Variants in PUDP observed in about 807,000 individuals in gnomAD.
The protein encoded by PUDP is pseudouridine 5'-phosphatase.
PUDP carries 8 observed loss-of-function variants against 9.4 expected under a neutral mutation model. The observed-to-expected ratio is 0.85, with a 90% CI of 0.50 to 1.53. The LOEUF is 1.53. PUDP is among the 40% of genes most tolerant of loss of function. PUDP has a pLI of 0.00. For synonymous variants in PUDP, 99 were observed against 80.7 expected (o/e 1.23, Z -1.22); for missense variants, 188 against 189.7 (o/e 0.99, Z 0.05).
chrX:6,866,328 A>C (rs1259349978), intron 3 of PUDP, among the ~76,000 whole-genome samples: 1 of 110,777 alleles, frequency 9.0e-6, no homozygotes, highest in African/African-American at 3.3e-5. Context: ...ATTTTTAAAA[A>C]TTCATAAATA....
intron 1 of PUDP, among the ~76,000 whole-genome samples, chrX:7,112,186 T>G (rs1331983726): frequency 9.0e-6 from 1 of 111,547 alleles, no homozygotes; most frequent in African/African-American, 3.3e-5. Flanking sequence ...TGGGCTAGCA[T>G]GAGGTGGTTT....
chrX:6,826,722 TAA>T (rs944700390), intron 3 of PUDP, among the ~76,000 whole-genome samples: 8 of 112,352 alleles, frequency 7.1e-5, no homozygotes, highest in South Asian at 7.3e-4. Context: ...AGAAAATATA[TAA>T]AGTCTTACCA....
intron 3 of PUDP, among the ~76,000 whole-genome samples, chrX:6,887,367 T>C (rs1405658300): frequency 9.1e-6 from 1 of 109,868 alleles, no homozygotes; most frequent in African/African-American, 3.3e-5. Flanking sequence ...ATTTTTATTT[T>C]AATGGTAGAA....
intron 1 of PUDP, among the ~76,000 whole-genome samples, chrX:7,125,100 C>T (rs1270832520): frequency 9.0e-6 from 1 of 110,601 alleles, no homozygotes; most frequent in Non-Finnish European, 1.9e-5. Context: ...AAGCTACAGG[C>T]AGAGTTTACA....
chrX:6,999,416 T>A (rs59349628), intron 1 of PUDP, among the ~76,000 whole-genome samples: 4,363 of 111,783 alleles, frequency 0.039, 176 homozygotes, highest in East Asian at 0.29. Flanking sequence ...AAGAAACACC[T>A]CAAGTTAGTA....
chrX:6,984,005 T>C (rs773483333), intron 1 of PUDP, among the ~76,000 whole-genome samples: 2 of 112,592 alleles, frequency 1.8e-5, no homozygotes, highest in African/African-American at 6.4e-5. Flanking sequence ...ATTCCTTCCT[T>C]GCTTTGTGTG....
At chrX:6,793,654 G>T (rs1925789734) in intron 3 of PUDP, among the ~76,000 whole-genome samples, 1 of 111,434 alleles carries the variant, frequency 9.0e-6, no homozygotes, top group Admixed American at 9.6e-5. Flanking sequence ...ATCCCTGCTT[G>T]GAAGGACCAC....
chrX:6,801,359 T>C (rs16984332), intron 3 of PUDP, among the ~76,000 whole-genome samples: 2,223 of 111,245 alleles, frequency 0.02, 56 homozygotes, highest in African/African-American at 0.07. Flanking sequence ...TAGAAAACAA[T>C]GCAAAGAAAC....
downstream of PUDP, among the ~76,000 whole-genome samples, chrX:7,045,735 G>C (rs1036268667): frequency 9.0e-6 from 1 of 111,602 alleles, no homozygotes; most frequent in African/African-American, 3.3e-5. Flanking sequence ...GTCCAAACAA[G>C]ATCAACACAA....
At chrX:7,051,583 A>G in intron 3 of PUDP, among the ~76,000 whole-genome samples, 1 of 112,167 alleles carries the variant, frequency 8.9e-6, no homozygotes, top group South Asian at 3.8e-4. Flanking sequence ...AAACCAATAC[A>G]TAAAATGGGG....
intron 1 of PUDP, among the ~76,000 whole-genome samples, chrX:7,005,227 C>T (rs1929384519): frequency 9.1e-6 from 1 of 110,385 alleles, no homozygotes; most frequent in Non-Finnish European, 1.9e-5. Flanking sequence ...CCAAGAAGGG[C>T]TGTTTCATGG....
chrX:6,914,116 G>A (rs1212006754), intron 3 of PUDP, among the ~76,000 whole-genome samples: 1 of 100,728 alleles, frequency 9.9e-6, no homozygotes, highest in African/African-American at 3.7e-5. Flanking sequence ...GCAGTGAGCC[G>A]AGATTGTGCC....
intron 3 of PUDP, among the ~76,000 whole-genome samples, chrX:7,075,768 A>G (rs1028976563): frequency 2.7e-5 from 3 of 111,864 alleles, no homozygotes; most frequent in Non-Finnish European, 5.6e-5. Flanking sequence ...ACATTGGCCA[A>G]TGCCTTGCTT....
upstream of PUDP, among the ~76,000 whole-genome samples, chrX:6,725,915 C>T (rs1251068269): frequency 3.6e-5 from 4 of 111,709 alleles, no homozygotes; most frequent in Non-Finnish European, 7.5e-5. Context: ...CACTACTGGG[C>T]ATCTACCCAA....
chrX:6,745,210 C>T (rs767928208), intron 3 of PUDP, among the ~76,000 whole-genome samples: 11 of 111,797 alleles, frequency 9.8e-5, no homozygotes, highest in Non-Finnish European at 2.1e-4. Context: ...TGCAGCTGCG[C>T]ACTAACTGAA....
chrX:7,131,413 G>A (rs1265625702), intron 1 of PUDP, among the ~76,000 whole-genome samples: 1 of 110,625 alleles, frequency 9.0e-6, no homozygotes, highest in African/African-American at 3.3e-5. Flanking sequence ...TGGAGATGTG[G>A]CACTCTGTAT....
chrX:6,816,923 AAT>A (rs1260126847), intron 3 of PUDP, among the ~76,000 whole-genome samples: 1 of 95,419 alleles, frequency 1.0e-5, no homozygotes, highest in African/African-American at 3.9e-5. Context: ...TAGTATATAT[AAT>A]ATATATACAC....
At chrX:6,793,812 G>A (rs1190098104) in intron 3 of PUDP, among the ~76,000 whole-genome samples, 1 of 111,432 alleles carries the variant, frequency 9.0e-6, no homozygotes, top group East Asian at 2.8e-4. Context: ...GAAAGGATAG[G>A]CTGGGGGCAG....
chrX:6,907,876 G>T (rs1027269143), intron 3 of PUDP, among the ~76,000 whole-genome samples: 6 of 111,938 alleles, frequency 5.4e-5, no homozygotes, highest in African/African-American at 1.9e-4. Flanking sequence ...AGTAAGAAAA[G>T]GATGGAATGT....
Sources: gnomAD v4.1 joint callset for allele counts (sites outside exome capture counted in the v4.1 genomes callset) on GRCh38, gnomAD v4.1.1 for gene constraint, MANE v1.5 for transcripts, NCBI Gene and HGNC (gene_info 2026-07-23, HGNC 2026-07-21) for gene names.